Variants in GALNTL6 observed in about 807,000 individuals in gnomAD.
GALNTL6 encodes polypeptide N-acetylgalactosaminyltransferase like 6, also known as polypeptide N-acetylgalactosaminyltransferase-like 6.
Under a neutral mutation model 73.7 loss-of-function variants are expected in GALNTL6, and 46 were observed. That is an observed-to-expected ratio of 0.62 (90% CI 0.49 to 0.80). GALNTL6 has a LOEUF of 0.80. Ranked by LOEUF, GALNTL6 falls within the 30% of genes least tolerant of loss-of-function variation. The pLI is 0.00. For synonymous variants in GALNTL6, 259 were observed against 263.7 expected (o/e 0.98, Z 0.17); for missense variants, 604 against 755.0 (o/e 0.80, Z 2.34).
intron 9 of GALNTL6, among the ~76,000 whole-genome samples, chr4:172,935,776 T>A (rs2111331997): frequency 6.6e-6 from 1 of 152,276 alleles, no homozygotes; most frequent in African/African-American, 2.4e-5. Flanking sequence ...GGTCTGAAAT[T>A]GAGGCAGTAA....
chr4:172,064,506 G>T (rs1014564386), intron 2 of GALNTL6, among the ~76,000 whole-genome samples: 13 of 152,202 alleles, frequency 8.5e-5, no homozygotes, highest in Non-Finnish European at 1.6e-4. Context: ...GGAGGCAGGA[G>T]GAGGTTAGTG....
intron 5 of GALNTL6, among the ~76,000 whole-genome samples, chr4:172,449,407 T>A (rs1732134031): frequency 6.6e-6 from 1 of 152,176 alleles, no homozygotes; most frequent in Non-Finnish European, 1.5e-5. Flanking sequence ...CTACCTTCCA[T>A]TAACCCTCTC....
chr4:171,901,347 G>T (rs865781826), intron 2 of GALNTL6, among the ~76,000 whole-genome samples: 1 of 152,096 alleles, frequency 6.6e-6, no homozygotes, highest in African/African-American at 2.4e-5. Context: ...CCCCACAAAG[G>T]CCTTCTGAAG....
In GALNTL6 at chr4:172,038,318, GT is replaced by G. The variant is rs1394467463; in HGVS notation, c.139-191334del. On this transcript the variant is annotated intron_variant, in intron 2 of 12. Coordinates refer to ENST00000506823, the MANE Select transcript of GALNTL6 (RefSeq NM_001034845.3). ...ATCCTAAACATCGGTATTTGTGAGA[GT>G]TTTAAGTATTTTTTTCTTCTCTTTT... Among the ~76,000 whole-genome samples, 23 of 131,868 alleles carry G rather than the reference GT, an allele frequency of 1.7e-4. No individual in the cohort carries two copies. The Admixed American group carries it at 2.0e-3, about 11-fold the overall frequency. 86.5% of individuals were successfully genotyped at this position (131,868 alleles called of 152,430 possible).
At chr4:171,990,352 TGAA>T (rs1740299173) in intron 2 of GALNTL6, among the ~76,000 whole-genome samples, 1 of 152,234 alleles carries the variant, frequency 6.6e-6, no homozygotes, top group African/African-American at 2.4e-5. Flanking sequence ...ATTTTACAGT[TGAA>T]GAAATTAAAC....
At chr4:172,117,015 TTATA>T (rs1341582383) in intron 2 of GALNTL6, among the ~76,000 whole-genome samples, 1 of 152,198 alleles carries the variant, frequency 6.6e-6, no homozygotes, top group East Asian at 1.9e-4. Flanking sequence ...GTATAATGTA[TTATA>T]TAGTTTATTT....
At chr4:172,565,034 G>T (rs913014301) in intron 5 of GALNTL6, among the ~76,000 whole-genome samples, 2 of 152,206 alleles carry the variant, frequency 1.3e-5, no homozygotes, top group African/African-American at 4.8e-5. Context: ...CAGATTCAGT[G>T]TCTGGAGAGG....
At chr4:171,955,885 C>T (rs1739030233) in intron 2 of GALNTL6, among the ~76,000 whole-genome samples, 1 of 152,050 alleles carries the variant, frequency 6.6e-6, no homozygotes, top group African/African-American at 2.4e-5. Context: ...GAAGCTTTTC[C>T]TTATGCAATT....
chr4:172,882,758 G>C (rs757191856), intron 7 of GALNTL6, 32 bp from the exon 8 acceptor site: 1 of 1,307,104 alleles, frequency 7.7e-7, no homozygotes, highest in East Asian at 2.3e-5. Flanking sequence ...AACGTTCATA[G>C]TCCTTTAAAG....
At chr4:172,084,251 T>C (rs1221857557) in intron 2 of GALNTL6, among the ~76,000 whole-genome samples, 1 of 152,222 alleles carries the variant, frequency 6.6e-6, no homozygotes, top group African/African-American at 2.4e-5. Context: ...AGGTTTGCAG[T>C]AGGTTGTGAT....
At chr4:172,356,722 C>T (rs1469906020) in intron 5 of GALNTL6, among the ~76,000 whole-genome samples, 3 of 152,082 alleles carry the variant, frequency 2.0e-5, no homozygotes, top group Non-Finnish European at 1.5e-5. Context: ...TGACATGGTA[C>T]ATTTGTAATA....
At chr4:172,852,838 G>C (rs1219334038) in intron 7 of GALNTL6, among the ~76,000 whole-genome samples, 1 of 152,174 alleles carries the variant, frequency 6.6e-6, no homozygotes. Flanking sequence ...AATGATATAA[G>C]TCCAGTTGCA....
At chr4:172,377,508 C>A (rs2111272709) in intron 5 of GALNTL6, among the ~76,000 whole-genome samples, 1 of 152,324 alleles carries the variant, frequency 6.6e-6, no homozygotes, top group Non-Finnish European at 1.5e-5. Context: ...ATGGGCGGAG[C>A]TGCCCACCAG....
intron 5 of GALNTL6, among the ~76,000 whole-genome samples, chr4:172,693,717 G>A (rs1733469952): frequency 6.6e-6 from 1 of 152,244 alleles, no homozygotes. Context: ...GCCTTGGGAA[G>A]CTAAGGACAG....
chr4:171,835,073 T>C (rs1428913238), intron 2 of GALNTL6, among the ~76,000 whole-genome samples: 2 of 151,986 alleles, frequency 1.3e-5, no homozygotes, highest in Non-Finnish European at 1.5e-5. Context: ...CTCTCTCTGA[T>C]TGAATTTTGA....
chr4:172,806,880 A>G (rs901303516), intron 5 of GALNTL6, among the ~76,000 whole-genome samples: 2 of 152,206 alleles, frequency 1.3e-5, no homozygotes, highest in Admixed American at 1.3e-4. Context: ...AATTGATGAT[A>G]TGGAAAGATT....
intron 10 of GALNTL6, among the ~76,000 whole-genome samples, chr4:173,002,087 A>G (rs1752067972): frequency 6.6e-6 from 1 of 152,226 alleles, no homozygotes. Context: ...AGCATTATTC[A>G]CAGTAGCCAA....
chr4:172,932,269 G>C (rs1209380351), intron 9 of GALNTL6, among the ~76,000 whole-genome samples: 2 of 152,082 alleles, frequency 1.3e-5, no homozygotes, highest in Non-Finnish European at 2.9e-5. Flanking sequence ...ACCTAAAACG[G>C]GGCTTAGGGA....
chr4:172,614,542 T>A (rs1738650920), intron 5 of GALNTL6, among the ~76,000 whole-genome samples: 2 of 152,216 alleles, frequency 1.3e-5, no homozygotes, highest in Admixed American at 1.3e-4. Context: ...GATATAAGTA[T>A]CTTGTATTGG....
Sources: allele counts gnomAD v4.1 joint callset (sites outside exome capture counted in the v4.1 genomes callset), GRCh38; gene constraint gnomAD v4.1.1; transcripts MANE v1.5; gene names NCBI Gene and HGNC (gene_info 2026-07-23, HGNC 2026-07-21).